The following UTRN variants were observed in gnomAD, a reference collection of about 807,000 sequenced individuals.
UTRN encodes utrophin, also known as dystrophin-related protein 1.
A neutral mutation model predicts 463.9 loss-of-function variants in UTRN; 283 were observed. The observed-to-expected ratio is 0.61, with a 90% CI of 0.55 to 0.67. The LOEUF (loss-of-function observed/expected upper bound fraction) is 0.67, where lower values mean the gene tolerates loss of function less well. Ranked by LOEUF, UTRN falls within the 30% of genes least tolerant of loss-of-function variation. UTRN has a pLI of 0.00. For synonymous variants in UTRN, 1,442 were observed against 1,431.5 expected (o/e 1.01, Z -0.17); for missense variants, 3,922 against 4,084.3 (o/e 0.96, Z 1.08).
chr6:144,455,520 G>A (rs1788730042), intron 19 of UTRN, among the ~76,000 whole-genome samples: 1 of 152,118 alleles, frequency 6.6e-6, no homozygotes, highest in African/African-American at 2.4e-5. Context: ...TGTGAATATG[G>A]GATAATTTCT....
chr6:144,307,952 T>C (rs1449386652), intron 2 of UTRN, among the ~76,000 whole-genome samples: 1 of 152,108 alleles, frequency 6.6e-6, no homozygotes, highest in East Asian at 1.9e-4. Flanking sequence ...TGACTGCCTT[T>C]TGTGTGGGTT....
chr6:144,390,838 G>T (rs1345341329), intron 2 of UTRN, among the ~76,000 whole-genome samples: 6 of 152,032 alleles, frequency 3.9e-5, no homozygotes, highest in Admixed American at 3.9e-4. Flanking sequence ...TGTTGTCTTA[G>T]TCCCTTCCCC....
chr6:144,654,754 G>A (rs1046532411), intron 51 of UTRN, among the ~76,000 whole-genome samples: 1 of 152,176 alleles, frequency 6.6e-6, no homozygotes, highest in Non-Finnish European at 1.5e-5. Context: ...GAAGAATATG[G>A]TTTGGAAGCA....
intron 2 of UTRN, among the ~76,000 whole-genome samples, chr6:144,387,698 G>A (rs1781536150): frequency 6.6e-6 from 1 of 152,162 alleles, no homozygotes; most frequent in Non-Finnish European, 1.5e-5. Context: ...AAACCGGCAA[G>A]TTTCATTTTT....
intron 51 of UTRN, among the ~76,000 whole-genome samples, chr6:144,590,436 T>C (rs1802915787): frequency 6.6e-6 from 1 of 152,128 alleles, no homozygotes; most frequent in Non-Finnish European, 1.5e-5. Flanking sequence ...CACATGTAGT[T>C]TTTTATCATT....
At chr6:144,476,816 T>G (rs1303603814) in intron 25 of UTRN, among the ~76,000 whole-genome samples, 2 of 152,068 alleles carry the variant, frequency 1.3e-5, no homozygotes, top group Non-Finnish European at 2.9e-5. Flanking sequence ...TAGTGGATAG[T>G]TCGAGGAGGG....
intron 18 of UTRN, among the ~76,000 whole-genome samples, chr6:144,453,517 G>A (rs550631005): frequency 6.6e-6 from 1 of 152,134 alleles, no homozygotes; most frequent in Non-Finnish European, 1.5e-5. Flanking sequence ...ATGGCATGGC[G>A]TACTCAGGGT....
chr6:144,834,673 TGA>T (rs990916196), intron 69 of UTRN, among the ~76,000 whole-genome samples: 6 of 152,202 alleles, frequency 3.9e-5, no homozygotes, highest in African/African-American at 1.4e-4. Flanking sequence ...CTGGTGAAGC[TGA>T]GAGAGGCCCA....
Position 144,852,253 on chromosome 6 carries a change from TACA to T in UTRN, c.*1257_*1259del, listed in dbSNP as rs1221839942. 2 of 152,160 alleles carry T rather than the reference TACA, an allele frequency of 1.3e-5. No homozygotes were observed. Among genetic ancestry groups the T allele is most frequent in the Non-Finnish European group, 2.9e-5 (2 of 68,010 alleles). The allele number at this position is 152,160 out of a possible 1,614,324, so 9.4% of individuals were successfully genotyped here. A position where few individuals can be genotyped will look rare whatever the true frequency, so the allele number is the denominator to read the frequency against. On this transcript the variant is annotated 3_prime_UTR_variant, in exon 75 of 75. Transcript: ENST00000367545. ...ATGCTTAGGTGATGGTACCTCCACC[TACA>T]TCTTTTTGAGTGCATTCAATTATGT...
At chr6:144,436,379 G>A (rs553710438) in intron 10 of UTRN, among the ~76,000 whole-genome samples, 1 of 152,298 alleles carries the variant, frequency 6.6e-6, no homozygotes, top group East Asian at 1.9e-4. Context: ...AGCCACTGAT[G>A]AAAATCATTG....
At chr6:144,342,497 A>C (rs764140744) in intron 2 of UTRN, among the ~76,000 whole-genome samples, 1 of 152,214 alleles carries the variant, frequency 6.6e-6, no homozygotes. Context: ...TGAACTGATA[A>C]ATACATAATA....
rs373485431 is a variant in UTRN, at chr6:144,499,252, C to T, written c.4594-5C>T. 53 of 1,610,276 alleles carry T rather than the reference C, an allele frequency of 3.3e-5. No individual in the cohort carries two copies. Among genetic ancestry groups the T allele is most frequent in the Non-Finnish European group, 4.5e-5 (53 of 1,177,304 alleles). ...TCAGTCTCTCCCTGCCTCTCTCCGT[C>T]TCAGGTGACAGAAGGAAAACAGGAT... On this transcript the variant is annotated splice_polypyrimidine_tract_variant and splice_region_variant and intron_variant, in intron 33 of 74. Coordinates refer to ENST00000367545, the MANE Select transcript of UTRN (RefSeq NM_007124.3).
intron 2 of UTRN, among the ~76,000 whole-genome samples, chr6:144,343,116 C>A (rs1777272883): frequency 6.6e-6 from 1 of 151,992 alleles, no homozygotes; most frequent in Admixed American, 6.5e-5. Context: ...ATGAGAGACA[C>A]CTTTGAATTC....
At chr6:144,295,550 C>G (rs940491266) in intron 2 of UTRN, among the ~76,000 whole-genome samples, 4 of 152,202 alleles carry the variant, frequency 2.6e-5, no homozygotes, top group Non-Finnish European at 5.9e-5. Context: ...GGGCTGGAAG[C>G]CTGTGTGTAA....
chr6:144,798,367 G>A (rs1777414988), intron 64 of UTRN, among the ~76,000 whole-genome samples: 1 of 152,126 alleles, frequency 6.6e-6, no homozygotes, highest in African/African-American at 2.4e-5. Flanking sequence ...TAAGCAGGAA[G>A]CAATGTTTAA....
intron 56 of UTRN, among the ~76,000 whole-genome samples, chr6:144,752,893 A>G (rs1791562785): frequency 6.6e-6 from 1 of 152,220 alleles, no homozygotes; most frequent in Non-Finnish European, 1.5e-5. Context: ...GTATTCTGTC[A>G]TCCTTATCTA....
intron 65 of UTRN, among the ~76,000 whole-genome samples, chr6:144,808,159 C>G (rs1024224135): frequency 2.0e-5 from 3 of 151,836 alleles, no homozygotes. Flanking sequence ...AGGCATTTTG[C>G]TAGGAGTTGG....
At chr6:144,356,789 C>T (rs1005089836) in intron 2 of UTRN, among the ~76,000 whole-genome samples, 9 of 152,064 alleles carry the variant, frequency 5.9e-5, no homozygotes, top group African/African-American at 2.2e-4. Context: ...TGCACCACTG[C>T]ATTCTGTCTT....
intron 2 of UTRN, among the ~76,000 whole-genome samples, chr6:144,340,777 C>G (rs977403088): frequency 2.0e-5 from 3 of 152,220 alleles, no homozygotes; most frequent in Admixed American, 2.0e-4. Context: ...ACCGTGTAAT[C>G]TAGCAGAAGA....
Sources: allele counts gnomAD v4.1 joint callset (sites outside exome capture counted in the v4.1 genomes callset), GRCh38; gene constraint gnomAD v4.1.1; transcripts MANE v1.5; gene names NCBI Gene and HGNC (gene_info 2026-07-23, HGNC 2026-07-21).